CSMD1: variants seen among roughly 807,000 people sequenced by gnomAD.
CSMD1 encodes the protein CUB and sushi domain-containing protein 1.
In CSMD1, 213 loss-of-function variants were observed where a neutral mutation model predicts 417.5. The observed-to-expected ratio is 0.51, with a 90% CI of 0.46 to 0.57. The LOEUF (loss-of-function observed/expected upper bound fraction) is 0.57. Among genes scored for constraint, CSMD1 ranks in the 20% least tolerant of loss-of-function variants. The pLI, the probability that CSMD1 is intolerant of heterozygous loss-of-function variation, is 0.00. For missense variants in CSMD1, 6,923 were observed against 4,529.7 expected (o/e 1.53, Z -15.17); for synonymous variants, 2,862 against 1,736.8 (o/e 1.65, Z -16.11).
chr8:3,790,248 TATCA>T (rs1274976092), intron 5 of CSMD1, among the ~76,000 whole-genome samples: 1 of 152,208 alleles, frequency 6.6e-6, no homozygotes, highest in Admixed American at 6.5e-5. Context: ...AAGAGTGCAT[TATCA>T]ATCAAACTGA....
intron 1 of CSMD1, among the ~76,000 whole-genome samples, chr8:4,956,041 A>G (rs751073202): frequency 1.1e-4 from 17 of 152,264 alleles, no homozygotes; most frequent in South Asian, 4.1e-4. Flanking sequence ...GTGCTCAAAG[A>G]CCACTTGCTC....
chr8:3,698,944 C>G (rs1800702828), intron 7 of CSMD1, among the ~76,000 whole-genome samples: 1 of 152,188 alleles, frequency 6.6e-6, no homozygotes, highest in South Asian at 2.1e-4. Context: ...ATCCTGTGTT[C>G]TAAGTCAGGC....
chr8:4,068,282 A>G (rs73658564), intron 3 of CSMD1, among the ~76,000 whole-genome samples: 5,070 of 152,142 alleles, frequency 0.033, 207 homozygotes, highest in East Asian at 0.17. Context: ...TGAGAAGTCT[A>G]CTTTGTAGCT....
rs370640503 is a variant in CSMD1, at chr8:4,065,883, G to T, written c.416-33784C>A. Among the ~76,000 whole-genome samples, 153 of 152,232 alleles carry T rather than the reference G, an allele frequency of 1.0e-3. 1 individual carries two copies. Among genetic ancestry groups the T allele is most frequent in the African/African-American group, 3.6e-3 (148 of 41,552 alleles). On this transcript the variant is annotated intron_variant, in intron 3 of 69. Transcript: ENST00000635120. ...AGTTTTCCTTCACTGTCTTCCATAA[G>T]AAAGACTGCTCAAAGAAGAACAAAG...
chr8:3,875,069 G>C (rs750065904), intron 5 of CSMD1, among the ~76,000 whole-genome samples: 1 of 152,076 alleles, frequency 6.6e-6, no homozygotes, highest in Non-Finnish European at 1.5e-5. Context: ...CAGAAGAGCG[G>C]ACACAGAAAG....
chr8:3,360,824 TC>T (rs1449604338), intron 20 of CSMD1, among the ~76,000 whole-genome samples: 5 of 152,096 alleles, frequency 3.3e-5, no homozygotes, highest in Non-Finnish European at 5.9e-5. Flanking sequence ...CTGATCCTTT[TC>T]CCCTTAGTAT....
intron 3 of CSMD1, among the ~76,000 whole-genome samples, chr8:4,356,614 TTCAC>T (rs1271238152): frequency 1.3e-5 from 2 of 152,210 alleles, no homozygotes; most frequent in Non-Finnish European, 2.9e-5. Context: ...CTTGGCTGTT[TTCAC>T]TGTGTCTGCT....
chr8:3,936,654 T>C (rs1279440328), intron 5 of CSMD1, among the ~76,000 whole-genome samples: 3 of 152,320 alleles, frequency 2.0e-5, no homozygotes, highest in East Asian at 1.9e-4. Flanking sequence ...TTTCTAAATA[T>C]TGCTGCTCTT....
At chr8:3,496,352 G>C (rs1300468342) in intron 10 of CSMD1, among the ~76,000 whole-genome samples, 1 of 152,134 alleles carries the variant, frequency 6.6e-6, no homozygotes, top group Admixed American at 6.5e-5. Context: ...CTCCCTGTAA[G>C]GATTGAGGGC....
chr8:3,746,186 T>G (rs114989186), intron 6 of CSMD1, among the ~76,000 whole-genome samples: 2,386 of 152,332 alleles, frequency 0.016, 29 homozygotes, highest in South Asian at 0.03. Flanking sequence ...CTGAAAAGAA[T>G]AGCAGTTTAG....
chr8:3,042,911 G>C (rs1458590315), intron 50 of CSMD1, among the ~76,000 whole-genome samples: 1 of 151,582 alleles, frequency 6.6e-6, no homozygotes, highest in East Asian at 1.9e-4. Context: ...ACAGTACAAG[G>C]TCACTATGGT....
At chr8:4,440,231 T>G (rs2129673415) in intron 2 of CSMD1, among the ~76,000 whole-genome samples, 1 of 152,330 alleles carries the variant, frequency 6.6e-6, no homozygotes, top group Non-Finnish European at 1.5e-5. Flanking sequence ...TACCTATATG[T>G]GCATGTGCAC....
At chr8:4,755,808 G>A (rs778665996) in intron 1 of CSMD1, among the ~76,000 whole-genome samples, 9 of 152,046 alleles carry the variant, frequency 5.9e-5, no homozygotes, top group Non-Finnish European at 8.8e-5. Context: ...CATTCTTAAC[G>A]ACACTATCTT....
intron 5 of CSMD1, among the ~76,000 whole-genome samples, chr8:3,985,250 A>G (rs1362180426): frequency 6.6e-6 from 1 of 152,198 alleles, no homozygotes; most frequent in African/African-American, 2.4e-5. Flanking sequence ...GTCCCATTTC[A>G]TGCTTTACAA....
chr8:3,627,913 T>C (rs1263773314), intron 7 of CSMD1, among the ~76,000 whole-genome samples: 1 of 152,194 alleles, frequency 6.6e-6, no homozygotes. Context: ...AAGGAGATAA[T>C]ATTCATTCAG....
At chr8:3,334,691 A>G (rs1461204635) in intron 23 of CSMD1, among the ~76,000 whole-genome samples, 1 of 152,246 alleles carries the variant, frequency 6.6e-6, no homozygotes, top group African/African-American at 2.4e-5. Context: ...ATGGAGCTGC[A>G]GTGCAAACGG....
rs529929323 is a variant in CSMD1, at chr8:4,959,281, A to G, written c.85+35051T>C. 3.3e-5 allele frequency among the ~76,000 whole-genome samples: 5 copies of G among 152,298 alleles called. No homozygotes were observed. The South Asian group carries it at 8.3e-4, about 25-fold the overall frequency. On this transcript the variant is annotated intron_variant, in intron 1 of 69. Transcript: ENST00000635120. ...CATATGTTTTGGAAAAGCTAAGTAG[A>G]TATGTAACAGGTATGTTTATTGTAG...
intron 6 of CSMD1, among the ~76,000 whole-genome samples, chr8:3,745,496 G>T (rs776519117): frequency 1.1e-4 from 17 of 152,206 alleles, no homozygotes; most frequent in Non-Finnish European, 2.1e-4. Context: ...GGTTCTGCAC[G>T]TGTACAACAG....
chr8:4,640,496 T>A (rs1563360255), intron 1 of CSMD1, among the ~76,000 whole-genome samples: 1 of 152,190 alleles, frequency 6.6e-6, no homozygotes, highest in Admixed American at 6.5e-5. Context: ...TTAAAGCTAA[T>A]ATGGTAGTCC....
Sources: allele counts gnomAD v4.1 joint callset (sites outside exome capture counted in the v4.1 genomes callset), GRCh38; gene constraint gnomAD v4.1.1; transcripts MANE v1.5; gene names NCBI Gene and HGNC (gene_info 2026-07-23, HGNC 2026-07-21).